Variants in MEGF8 observed in about 807,000 individuals in gnomAD.
MEGF8 encodes multiple epidermal growth factor-like domains protein 8.
In MEGF8, 156 loss-of-function variants were observed where a neutral mutation model predicts 302.9. The observed-to-expected ratio is 0.52, with a 90% CI of 0.45 to 0.59. The LOEUF is 0.59. MEGF8 is among the 20% of genes least tolerant of loss of function. The pLI is 0.00. For synonymous variants in MEGF8, 1,621 were observed against 1,660.5 expected, an observed-to-expected ratio of 0.98 and a Z score of 0.58; for missense variants, 3,345 against 3,964.5, an observed-to-expected ratio of 0.84 and a Z score of 4.20.
rs752669700 is a variant in MEGF8 at position 42,326,356 on chromosome 19, G to A, written c.113G>A (p.Arg38Gln). ...TGCAAGGGGCAGCGGCAGGTGCTGC[G>A]GGAGGCGCCAGGCTTCGTGACGGAT... Reference protein sequence around the residue: ...GDCKGQRQVLREAPGFVTDGA... With the variant: ...GDCKGQRQVLQEAPGFVTDGA... The change falls in exon 1 of 42, where the codon CGG becomes CAG. Residue 38 changes from arginine to glutamine, a missense_variant. Transcript: ENST00000251268. 7 of 1,587,708 alleles carry A rather than the reference G, an allele frequency of 4.4e-6. No homozygotes were observed. The East Asian group carries it at 1.6e-4, about 37-fold the overall frequency.
chr19:42,371,565 C>T, intron 41 of MEGF8, 83 bp downstream of exon 41: 1 of 1,563,140 alleles, frequency 6.4e-7, no homozygotes, highest in South Asian at 1.1e-5. Flanking sequence ...CAGGCTCGGG[C>T]AGGACTGACA....
rs551315633 is a variant in MEGF8, at chr19:42,364,709, G to A, written c.6273+1447G>A. 3.3e-5 allele frequency among the ~76,000 whole-genome samples: 5 copies of A among 152,304 alleles called. No homozygotes were observed. In the South Asian group the frequency reaches 1.0e-3, roughly 32 times the overall value. On this transcript the variant is annotated intron_variant, in intron 35 of 41. Transcript: ENST00000251268. ...AAAGCTCAGGCTGTGAAGTCAGTGGGATCTGGGTTTGACTCCAACTTGGCC... is the reference window on the plus strand; with the variant it reads ...AAAGCTCAGGCTGTGAAGTCAGTGGAATCTGGGTTTGACTCCAACTTGGCC...
intron 12 of MEGF8, among the ~76,000 whole-genome samples, chr19:42,345,121 G>A (rs562394735): frequency 1.6e-3 from 248 of 152,166 alleles, no homozygotes; most frequent in Middle Eastern, 3.4e-3. Flanking sequence ...ACAGATGCCC[G>A]CCACTGCGCC....
rs117439608 is a variant in MEGF8, at chr19:42,334,057, C to T, written c.402C>T (p.Asn134=). The T allele has an allele frequency of 9.4e-4, 1,524 of 1,613,840 alleles. 18 individuals are homozygous for T. The East Asian group carries it at 0.03, about 32-fold the overall frequency. The change falls in exon 3 of 42, where the codon AAC becomes AAT. Residue 134 remains asparagine (N), a synonymous_variant. Coordinates refer to ENST00000251268, the MANE Select transcript of MEGF8 (RefSeq NM_001271938.2). ...SDANYNLLGF[N]ASFRFSLCPG... ...CCAACTACAACCTGCTGGGCTTTAACGCCTCATTCCGCTTCTCCCTGTGCC... is the reference window on the plus strand; with the variant it reads ...CCAACTACAACCTGCTGGGCTTTAATGCCTCATTCCGCTTCTCCCTGTGCC...
At chr19:42,350,625 T>C (rs1380282307) in intron 15 of MEGF8, among the ~76,000 whole-genome samples, 1 of 152,144 alleles carries the variant, frequency 6.6e-6, no homozygotes, top group Non-Finnish European at 1.5e-5. Flanking sequence ...GCGGGGAGTT[T>C]CTCAGCATAG....
rs1445631747 is a variant in MEGF8, at chr19:42,370,919, G to GCC, written c.7136+92_7136+93dup. ...TCACTGGGAGTAGCTCTGGAGCCAG[G>GCC]CCCCCTCTTTAGTCCTCCACCCCCA... On this transcript the variant is annotated intron_variant, in intron 40 of 41. Coordinates refer to ENST00000251268, the MANE Select transcript of MEGF8 (RefSeq NM_001271938.2). The GCC allele has an allele frequency of 2.6e-4, 140 of 547,204 alleles. No individual in the cohort carries two copies. The East Asian group carries it at 4.5e-3, about 18-fold the overall frequency. The allele number at this position is 547,204 out of a possible 1,614,324, so 33.9% of individuals were successfully genotyped here.
rs758460565 is a variant in MEGF8 at position 42,336,097 on chromosome 19, C to T, written c.995C>T (p.Pro332Leu). ...APPASSSSGP[P>L]GLAGHAAALV... ...CCTGCCTCCAGCTCCTCGGGGCCCCCAGGCCTGGCAGGTCACGCGGCTGCC... is the reference window on the plus strand; with the variant it reads ...CCTGCCTCCAGCTCCTCGGGGCCCCTAGGCCTGGCAGGTCACGCGGCTGCC... Residue 332 changes from proline to leucine, a missense_variant, in exon 6 of 42, where the codon CCA becomes CTA. Transcript: ENST00000251268. The surrounding 1 kb of genome is among the most constrained non-coding windows in gnomAD (Gnocchi z 4.8). 23 of 1,603,958 alleles carry T rather than the reference C, an allele frequency of 1.4e-5. No homozygotes were observed. Among genetic ancestry groups the T allele is most frequent in the Non-Finnish European group, 2.0e-5 (23 of 1,177,818 alleles).
intron 13 of MEGF8, among the ~76,000 whole-genome samples, chr19:42,349,291 C>A (rs1367322099): frequency 6.8e-6 from 1 of 147,296 alleles, no homozygotes; most frequent in African/African-American, 2.6e-5. Flanking sequence ...TGGAATGAGA[C>A]CCTGTCTCAA....
chr19:42,367,382 G>A (rs991405385), intron 35 of MEGF8, among the ~76,000 whole-genome samples: 5 of 150,598 alleles, frequency 3.3e-5, no homozygotes, highest in Non-Finnish European at 5.9e-5. Flanking sequence ...TCCACCTCCC[G>A]GGTTCACGCC....
rs911140822 is a variant in MEGF8, at chr19:42,357,854, C to G, written c.5011+270C>G. On this transcript the variant is annotated intron_variant, in intron 28 of 41. Transcript: ENST00000251268. This position sits in a 1 kb window ranked among gnomAD's most constrained non-coding sequence, Gnocchi z 5.2. ...TCCCTGCTTCTCAAGGGTTCTTCCT[C>G]GATCACACCTCCTTTCTTTGATCAC... Among the ~76,000 whole-genome samples, 1 of 152,166 alleles carries G rather than the reference C, an allele frequency of 6.6e-6. No homozygotes were observed. The highest frequency in any genetic ancestry group is 2.4e-5 in the African/African-American group (1 of 41,440).
rs2039767035 is a variant in MEGF8 at position 42,376,149 on chromosome 19, T to C, written c.7912T>C (p.Phe2638Leu). 3.1e-6 allele frequency: 5 copies of C among 1,610,358 alleles called. No homozygotes were observed. ...CTCAGCCGACTCGCAGGGCCTGCTC[T>C]TCTTCCGGCAGGACCAGGCCCACAT... The part of the protein sequence containing the change: ...NGSADSQGLL[F>L]FRQDQAHIDL... Residue 2638 changes from phenylalanine to leucine, a missense_variant, in exon 42 of 42, where the codon TTC becomes CTC. Physicochemically the swap from Phe to Leu is conservative, Grantham distance 22 (BLOSUM62 0). Transcript: ENST00000251268. The surrounding 1 kb of genome is among the most constrained non-coding windows in gnomAD (Gnocchi z 8.2).
chr19:42,364,171 G>A (rs769841414), intron 35 of MEGF8, among the ~76,000 whole-genome samples: 14 of 152,114 alleles, frequency 9.2e-5, no homozygotes, highest in Non-Finnish European at 1.5e-4. Context: ...GTGTGTACCC[G>A]TGACAGTCCA....
At position 42,353,167 on chromosome 19, in the gene MEGF8, A is replaced by C; in HGVS notation, c.3550+40A>C. On this transcript the variant is annotated intron_variant, in intron 20 of 41. Coordinates refer to ENST00000251268, the MANE Select transcript of MEGF8 (RefSeq NM_001271938.2). This position sits in a 1 kb window ranked among gnomAD's most constrained non-coding sequence, Gnocchi z 6.1. Reference sequence around the variant, plus strand: ...TCCTGGGCCCAGCCTGGACCCAGGGAGCCTCCTCCCTTCTTGGGGCTCCAG... The same window carrying C: ...TCCTGGGCCCAGCCTGGACCCAGGGCGCCTCCTCCCTTCTTGGGGCTCCAG... 1.3e-6 allele frequency: 2 copies of C among 1,491,942 alleles called. No individual in the cohort carries two copies. Among genetic ancestry groups the C allele is most frequent in the Non-Finnish European group, 1.8e-6 (2 of 1,119,260 alleles). 92.4% of individuals were successfully genotyped at this position (1,491,942 alleles called of 1,614,324 possible).
In MEGF8 at chr19:42,358,724, G is replaced by T. The variant is rs2039488040; in HGVS notation, c.5176-63G>T. ...ACACGTTTCCAAGCCCGTCTTGGAG[G>T]CAGGGGGCTAGAAGCAAGAGACTCG... On this transcript the variant is annotated intron_variant, in intron 29 of 41. Coordinates refer to ENST00000251268, the MANE Select transcript of MEGF8 (RefSeq NM_001271938.2). This position sits in a 1 kb window ranked among gnomAD's most constrained non-coding sequence, Gnocchi z 4.4. The T allele has an allele frequency of 1.4e-6, 2 of 1,456,946 alleles. No homozygotes were observed. Among genetic ancestry groups the T allele is most frequent in the African/African-American group, 1.4e-5 (1 of 69,850 alleles). The allele number at this position is 1,456,946 out of a possible 1,614,324, so 90.3% of individuals were successfully genotyped here.
chr19:42,334,408 G>T (rs2039096508), intron 3 of MEGF8, among the ~76,000 whole-genome samples, 195 bp downstream of exon 3: 1 of 143,452 alleles, frequency 7.0e-6, no homozygotes, highest in Non-Finnish European at 1.5e-5. Context: ...ACCTTCACCT[G>T]CAGGGCCTCC....
Position 42,356,682 on chromosome 19 carries a change from C to A in MEGF8, c.4623-92C>A, listed in dbSNP as rs948600650. ...AGAGGACTGTCATAGGAAGGTCACC[C>A]CAGGGGATGCGGGGACATCTGTCAG... On this transcript the variant is annotated intron_variant, in intron 26 of 41. Transcript: ENST00000251268. The surrounding 1 kb of genome is among the most constrained non-coding windows in gnomAD (Gnocchi z 5.2). The A allele has an allele frequency of 1.8e-5, 24 of 1,343,186 alleles. No individual in the cohort carries two copies. The highest frequency in any genetic ancestry group is 2.2e-5 in the Non-Finnish European group (22 of 986,718). The allele number at this position is 1,343,186 out of a possible 1,614,324, so 83.2% of individuals were successfully genotyped here. A position where few individuals can be genotyped will look rare whatever the true frequency, so the allele number is the denominator to read the frequency against.
In MEGF8 at chr19:42,352,146, G is replaced by A. The variant is rs561839673; in HGVS notation, c.3102-62G>A. Reference sequence around the variant, plus strand: ...ATTGGCCTCCTCTCTCCCTGTCATTGTTTCTATGTATGGCTCCTGTTTCTA... The same window carrying A: ...ATTGGCCTCCTCTCTCCCTGTCATTATTTCTATGTATGGCTCCTGTTTCTA... On this transcript the variant is annotated intron_variant, in intron 18 of 41. Transcript: ENST00000251268. The surrounding 1 kb of genome is among the most constrained non-coding windows in gnomAD (Gnocchi z 4.4). 55 of 1,456,522 alleles carry A rather than the reference G, an allele frequency of 3.8e-5. No individual in the cohort carries two copies. The South Asian group carries it at 7.7e-4, about 21-fold the overall frequency. 90.2% of individuals were successfully genotyped at this position (1,456,522 alleles called of 1,614,324 possible).
chr19:42,362,231 C>T lies in MEGF8; in HGVS notation c.5844+18C>T. The T allele has an allele frequency of 6.2e-7, 1 of 1,609,838 alleles. No homozygotes were observed. Among genetic ancestry groups the T allele is most frequent in the Non-Finnish European group, 8.5e-7 (1 of 1,179,222 alleles). ...ATGGAGAGGTGAGTGGTGGGGAAGG[C>T]AGGGATGAGAAGCAGCAGGTGTAGG... On this transcript the variant is annotated intron_variant, in intron 33 of 41. Transcript: ENST00000251268.
rs773855561 is a variant in MEGF8 at position 42,358,166 on chromosome 19, C to T, written c.5034C>T (p.Val1678=). The T allele has an allele frequency of 1.9e-6, 3 of 1,596,874 alleles. No individual in the cohort carries two copies. Among genetic ancestry groups the T allele is most frequent in the African/African-American group, 2.7e-5 (2 of 74,448 alleles). Residue 1678 remains valine (V), a synonymous_variant, in exon 29 of 42, where the codon GTC becomes GTT. Transcript: ENST00000251268. The surrounding 1 kb of genome is among the most constrained non-coding windows in gnomAD (Gnocchi z 4.4). The part of the protein sequence containing the change: ...PPTGLYGHSA[V]YHEATDSLYV... Reference sequence around the variant, plus strand: ...CAGGTCTCTATGGTCACTCTGCTGTCTACCACGAGGCCACCGACTCCCTCT... The same window carrying T: ...CAGGTCTCTATGGTCACTCTGCTGTTTACCACGAGGCCACCGACTCCCTCT...
Sources: allele counts gnomAD v4.1 joint callset (sites outside exome capture counted in the v4.1 genomes callset), GRCh38; gene constraint gnomAD v4.1.1; non-coding constraint Gnocchi (gnomAD v3.1); transcripts MANE v1.5; gene names NCBI Gene and HGNC (gene_info 2026-07-23, HGNC 2026-07-21).